Variants in UIMC1 observed in about 807,000 individuals in gnomAD.
UIMC1 encodes ubiquitin interaction motif containing 1, also known as BRCA1-A complex subunit RAP80.
UIMC1 carries 42 observed loss-of-function variants against 84.9 expected under a neutral mutation model. The observed-to-expected ratio is 0.49, with a 90% CI of 0.39 to 0.64. The LOEUF (loss-of-function observed/expected upper bound fraction) is 0.64, where lower values mean the gene tolerates loss of function less well. Ranked by LOEUF, UIMC1 falls within the 30% of genes least tolerant of loss-of-function variation. The pLI, the probability that UIMC1 is intolerant of heterozygous loss-of-function variation, is 0.00. For missense variants in UIMC1, 825 were observed against 847.6 expected, an observed-to-expected ratio of 0.97 and a Z score of 0.33; for synonymous variants, 281 against 293.0, an observed-to-expected ratio of 0.96 and a Z score of 0.42.
intron 11 of UIMC1, among the ~76,000 whole-genome samples, 194 bp downstream of exon 11, chr5:176,911,110 GAGAAGAA>G (rs1463071756): frequency 4.4e-5 from 5 of 112,978 alleles, no homozygotes; most frequent in Admixed American, 1.0e-4. Flanking sequence ...AAGAGAGAGA[GAGAAGAA>G]AAGAAAAGAA....
Position 176,905,088 on chromosome 5 carries a change from A to T in UIMC1, c.*194T>A. On this transcript the variant is annotated 3_prime_UTR_variant, in exon 15 of 15. Coordinates refer to ENST00000511320, the MANE Select transcript of UIMC1 (RefSeq NM_001199298.2). ...TTTAACTGTAAGTAAATTCAAACAA[A>T]CTGTTATAAAACAGAATACACAGTT... 2.1e-6 allele frequency: 1 copy of T among 465,458 alleles called. No homozygotes were observed. The highest frequency in any genetic ancestry group is 3.3e-5 in the East Asian group (1 of 29,990). The allele number at this position is 465,458 out of a possible 1,614,324, so 28.8% of individuals were successfully genotyped here.
intron 10 of UIMC1, among the ~76,000 whole-genome samples, chr5:176,924,300 A>T (rs1762113417): frequency 6.6e-6 from 1 of 151,676 alleles, no homozygotes; most frequent in Non-Finnish European, 1.5e-5. Context: ...CCTGGGGGAC[A>T]AGAGTGAGAA....
At chr5:176,928,900 G>A (rs1331592000) in intron 10 of UIMC1, among the ~76,000 whole-genome samples, 6 of 150,550 alleles carry the variant, frequency 4.0e-5, no homozygotes, top group Non-Finnish European at 8.9e-5. Flanking sequence ...GCAGTGAGAG[G>A]AGATCGCGCC....
chr5:176,965,069 T>C (rs1209907973), intron 6 of UIMC1, among the ~76,000 whole-genome samples: 1 of 152,020 alleles, frequency 6.6e-6, no homozygotes, highest in Non-Finnish European at 1.5e-5. Flanking sequence ...AATATAACCA[T>C]GAGATACAGA....
At chr5:176,945,435 A>G (rs1019270976) in intron 9 of UIMC1, among the ~76,000 whole-genome samples, 1 of 152,234 alleles carries the variant, frequency 6.6e-6, no homozygotes, top group Admixed American at 6.5e-5. Context: ...AATGCTCCTG[A>G]TTATTGTAAA....
In UIMC1 at chr5:176,905,177, G is replaced by C; in HGVS notation, c.*105C>G. The C allele has an allele frequency of 8.1e-7, 1 of 1,235,486 alleles. No individual in the cohort carries two copies. The highest frequency in any genetic ancestry group is 1.1e-6 in the Non-Finnish European group (1 of 889,712). The allele number at this position is 1,235,486 out of a possible 1,614,324, so 76.5% of individuals were successfully genotyped here. The stretch of plus-strand genomic sequence containing the variant: ...TGGGTAGGTGCTGGTGGTGAAAACT[G>C]CAGGGCTAAAACTTGCTCAACAATG... On this transcript the variant is annotated 3_prime_UTR_variant, in exon 15 of 15. Coordinates refer to ENST00000511320, the MANE Select transcript of UIMC1 (RefSeq NM_001199298.2).
intron 1 of UIMC1, among the ~76,000 whole-genome samples, chr5:177,018,084 C>T (rs1307874857): frequency 6.6e-6 from 1 of 152,076 alleles, no homozygotes; most frequent in Non-Finnish European, 1.5e-5. Flanking sequence ...GGCGTGGTGG[C>T]TCACACTGGT....
intron 11 of UIMC1, among the ~76,000 whole-genome samples, chr5:176,909,197 A>C (rs1759793029): frequency 6.6e-6 from 1 of 152,212 alleles, no homozygotes; most frequent in African/African-American, 2.4e-5. Flanking sequence ...ATCAACTAAG[A>C]AGTTACTAAA....
At chr5:176,983,649 C>T (rs535110007) in intron 1 of UIMC1, among the ~76,000 whole-genome samples, 4 of 152,308 alleles carry the variant, frequency 2.6e-5, no homozygotes, top group Admixed American at 1.3e-4. Context: ...TCTGCCCGCC[C>T]GCCACCCCAT....
At chr5:177,022,166 C>T (rs1441659971) in intron 1 of UIMC1, among the ~76,000 whole-genome samples, 2 of 151,988 alleles carry the variant, frequency 1.3e-5, no homozygotes, top group Non-Finnish European at 2.9e-5. Context: ...TGGGGTCTGA[C>T]AGCTACATTG....
At chr5:176,927,354 A>T (rs781105382) in intron 10 of UIMC1, among the ~76,000 whole-genome samples, 17 of 151,754 alleles carry the variant, frequency 1.1e-4, no homozygotes, top group Non-Finnish European at 1.8e-4. Context: ...CCTGGGTTCA[A>T]GCGATTCTCC....
chr5:177,003,158 G>A (rs1223081212), intron 1 of UIMC1, among the ~76,000 whole-genome samples: 1 of 151,990 alleles, frequency 6.6e-6, no homozygotes, highest in Non-Finnish European at 1.5e-5. Context: ...TAATTACAAT[G>A]AGCTTATTTC....
chr5:176,973,707 C>T (rs1769621041), intron 3 of UIMC1, among the ~76,000 whole-genome samples: 1 of 152,064 alleles, frequency 6.6e-6, no homozygotes, highest in African/African-American at 2.4e-5. Flanking sequence ...AGTTCGAGAC[C>T]AGCCTAGGCA....
At chr5:177,008,441 A>G (rs1017303644), upstream of UIMC1, among the ~76,000 whole-genome samples, 1 of 152,226 alleles carries the variant, frequency 6.6e-6, no homozygotes, top group Admixed American at 6.5e-5. Flanking sequence ...CTCTATGAAG[A>G]CATGATCCAT....
At chr5:176,924,959 A>G (rs1762197850) in intron 10 of UIMC1, among the ~76,000 whole-genome samples, 1 of 150,332 alleles carries the variant, frequency 6.7e-6, no homozygotes, top group Non-Finnish European at 1.5e-5. Context: ...TGAACCTGAG[A>G]GGCAGAGGCT....
chr5:176,999,669 C>G (rs1310039459), intron 1 of UIMC1, among the ~76,000 whole-genome samples: 2 of 152,106 alleles, frequency 1.3e-5, no homozygotes, highest in Non-Finnish European at 2.9e-5. Flanking sequence ...CTTTCTGTGC[C>G]TGGCTTATTT....
upstream of UIMC1, among the ~76,000 whole-genome samples, chr5:177,007,483 A>G (rs1418481267): frequency 1.3e-5 from 2 of 152,248 alleles, no homozygotes; most frequent in African/African-American, 4.8e-5. Context: ...TCGCATAAAT[A>G]AAACACCAAA....
intron 1 of UIMC1, among the ~76,000 whole-genome samples, chr5:176,990,061 G>GC (rs931779827): frequency 6.6e-5 from 10 of 151,948 alleles, no homozygotes; most frequent in African/African-American, 2.4e-4. Context: ...GGAGCCTGTA[G>GC]CCCCAGCTAC....
chr5:177,011,317 A>C (rs1775544545), upstream of UIMC1, among the ~76,000 whole-genome samples: 1 of 152,192 alleles, frequency 6.6e-6, no homozygotes, highest in Non-Finnish European at 1.5e-5. Context: ...AGGTGAGAGG[A>C]TTACTTGAGC....
Sources: allele counts gnomAD v4.1 joint callset (sites outside exome capture counted in the v4.1 genomes callset), GRCh38; gene constraint gnomAD v4.1.1; transcripts MANE v1.5; gene names NCBI Gene and HGNC (gene_info 2026-07-23, HGNC 2026-07-21).